Variants in MYH8 observed in about 807,000 individuals in gnomAD.
MYH8 encodes myosin heavy chain 8, also known as myosin-8.
Under a neutral mutation model 233.2 loss-of-function variants are expected in MYH8, and 168 were observed. The ratio of observed to expected loss-of-function variants is 0.72; its 90% CI spans 0.64 to 0.82. MYH8 has a LOEUF of 0.82. Among genes scored for constraint, MYH8 ranks in the 40% least tolerant of loss-of-function variants. The pLI, the probability that MYH8 is intolerant of heterozygous loss-of-function variation, is 0.00. For missense variants in MYH8, 1,995 were observed against 2,327.8 expected (o/e 0.86, Z 2.94); for synonymous variants, 785 against 850.6 (o/e 0.92, Z 1.34).
rs1191316543 is a variant in MYH8, at chr17:10,396,820, GCTT to G, written c.4342_4344del (p.Lys1448del). 1 of 1,614,216 alleles carries G rather than the reference GCTT, an allele frequency of 6.2e-7. No homozygotes were observed. The highest frequency in any genetic ancestry group is 1.7e-5 in the Admixed American group (1 of 60,030). On this transcript the variant is annotated inframe_deletion, in exon 31 of 40. Transcript: ENST00000403437. The surrounding 1 kb of genome is among the most constrained non-coding windows in gnomAD (Gnocchi z 4.2). The stretch of plus-strand genomic sequence containing the variant: ...TGGGCCACCTTGTCAAAGTTCCTTT[GCTT>G]CTTATCAAGGGCTGCACAGGCTGCA...
chr17:10,417,311 G>A lies in MYH8; in HGVS notation c.511+1334C>T, dbSNP rs184542933. ...TTCAGGGAAAATAGATATAAATCTG[G>A]ATGTTATTTAGATGTAGATATAGAC... On this transcript the variant is annotated intron_variant, in intron 5 of 39. Transcript: ENST00000403437. This position sits in a 1 kb window ranked among gnomAD's most constrained non-coding sequence, Gnocchi z 4.1. Among the ~76,000 whole-genome samples, 46 of 152,252 alleles carry A rather than the reference G, an allele frequency of 3.0e-4. No homozygotes were observed. Among genetic ancestry groups the A allele is most frequent in the Non-Finnish European group, 5.3e-4 (36 of 68,012 alleles).
intron 33 of MYH8, 95 bp from the exon 34 acceptor site, chr17:10,395,536 C>T: frequency 7.8e-7 from 1 of 1,282,262 alleles, no homozygotes; most frequent in African/African-American, 1.5e-5. Flanking sequence ...ATCAGTTTGT[C>T]TAATTTTACA....
At chr17:10,410,979 A>G (rs2072239091) in intron 14 of MYH8, 32 bp from the exon 15 acceptor site, 3 of 1,614,110 alleles carry the variant, frequency 1.9e-6, no homozygotes, top group Non-Finnish European at 2.5e-6. Context: ...TCCAACATCA[A>G]ATGAGTTTTA....
At chr17:10,407,127 G>A (rs1048672011) in intron 17 of MYH8, 148 bp from the exon 18 acceptor site, 29 of 697,132 alleles carry the variant, frequency 4.2e-5, no homozygotes, top group African/African-American at 3.4e-4. Context: ...GGTCTCAAGA[G>A]TTCTAGCCTG....
At chr17:10,418,198 CT>C (rs1461549803) in intron 5 of MYH8, among the ~76,000 whole-genome samples, 1 of 152,194 alleles carries the variant, frequency 6.6e-6, no homozygotes, top group African/African-American at 2.4e-5. Context: ...GCAATATTAG[CT>C]GTGTCATTCA....
At chr17:10,414,077 A>C in intron 11 of MYH8, 37 bp from the exon 12 acceptor site, 1 of 1,613,562 alleles carries the variant, frequency 6.2e-7, no homozygotes, top group East Asian at 2.2e-5. Flanking sequence ...GTTAGGGCTG[A>C]AGAGACTAAC....
In MYH8 at chr17:10,420,200, C is replaced by A. The variant is rs775905069; in HGVS notation, c.28G>T (p.Ala10Ser). 1 of 1,613,562 alleles carries A rather than the reference C, an allele frequency of 6.2e-7. No individual in the cohort carries two copies. The highest frequency in any genetic ancestry group is 1.1e-5 in the South Asian group (1 of 91,048). Reference protein sequence around the residue: MSASSDAEMAVFGEAAPYLR... With the variant: MSASSDAEMSVFGEAAPYLR... ...TAGGGAGCAGCTTCGCCAAAAACAG[C>A]CATCTCAGCGTCTGAGCTCGCACTC... Residue 10 changes from alanine (A) to serine (S), a missense_variant, in exon 3 of 40, where the codon GCT (alanine) becomes TCT (serine). By Grantham distance (99) the Ala-to-Ser change is moderately conservative. Around this residue, in one of 3 missense-constraint regions of MYH8, gnomAD observed 479 missense variants for 600.9 expected, o/e 0.80. Transcript: ENST00000403437.
chr17:10,418,493 A>C (rs2072306699), intron 5 of MYH8, 152 bp downstream of exon 5: 2 of 1,357,350 alleles, frequency 1.5e-6, no homozygotes, highest in Admixed American at 3.8e-5. Context: ...GGAAGAGCAT[A>C]AGATGTCACA....
chr17:10,415,391 AG>A lies in MYH8; in HGVS notation c.649-8del. 1 of 1,614,056 alleles carries A rather than the reference AG, an allele frequency of 6.2e-7. No homozygotes were observed. Among genetic ancestry groups the A allele is most frequent in the Non-Finnish European group, 8.5e-7 (1 of 1,179,932 alleles). On this transcript the variant is annotated splice_polypyrimidine_tract_variant and splice_region_variant and intron_variant, in intron 7 of 39. Transcript: ENST00000403437. This position sits in a 1 kb window ranked among gnomAD's most constrained non-coding sequence, Gnocchi z 4.1. Reference sequence around the variant, plus strand: ...TTTGATCTTCCAGAGTCCCCTGCAAAGGAAGGAGCAGTTCTCACATCTGGGA... The same window carrying A: ...TTTGATCTTCCAGAGTCCCCTGCAAAGAAGGAGCAGTTCTCACATCTGGGA...
At chr17:10,418,132 A>C (rs919588934) in intron 5 of MYH8, among the ~76,000 whole-genome samples, 2 of 152,214 alleles carry the variant, frequency 1.3e-5, no homozygotes, top group African/African-American at 4.8e-5. Context: ...AAGTGCTTCA[A>C]ATCTTTGGGA....
chr17:10,393,581 G>T (rs2072049409), intron 35 of MYH8, among the ~76,000 whole-genome samples: 1 of 152,182 alleles, frequency 6.6e-6, no homozygotes, highest in Admixed American at 6.5e-5. Flanking sequence ...TTCTTGCTTT[G>T]AAAGAATCTA....
At chr17:10,395,692 TA>T (rs1387667619) in intron 33 of MYH8, among the ~76,000 whole-genome samples, 56 of 152,068 alleles carry the variant, frequency 3.7e-4, no homozygotes, top group African/African-American at 1.3e-3. Flanking sequence ...ATTATATAAT[TA>T]AATTCATGTA....
At chr17:10,411,959 T>G (rs375737059) in intron 14 of MYH8, among the ~76,000 whole-genome samples, 68 of 152,318 alleles carry the variant, frequency 4.5e-4, no homozygotes, top group African/African-American at 1.5e-3. Context: ...CTTCTACCTT[T>G]GGGCCTTTTC....
At position 10,419,927 on chromosome 17, in the gene MYH8, G is replaced by A; in HGVS notation, c.210+91C>T. 1 of 1,385,138 alleles carries A rather than the reference G, an allele frequency of 7.2e-7. No homozygotes were observed. Among genetic ancestry groups the A allele is most frequent in the South Asian group, 1.2e-5 (1 of 85,942 alleles). 85.8% of individuals were successfully genotyped at this position (1,385,138 alleles called of 1,614,324 possible). ...CACTGACTAGAAGGGTGTTTGCATT[G>A]GCAACAGGCTTGGAGATTCCCAGTA... On this transcript the variant is annotated intron_variant, in intron 3 of 39. Transcript: ENST00000403437. The surrounding 1 kb of genome is among the most constrained non-coding windows in gnomAD (Gnocchi z 4.0).
intron 35 of MYH8, 73 bp downstream of exon 35, chr17:10,394,176 G>T: frequency 6.4e-7 from 1 of 1,573,436 alleles, no homozygotes; most frequent in South Asian, 1.1e-5. Flanking sequence ...TATACAAATT[G>T]AGTACTTTCA....
In MYH8 at chr17:10,394,470, G is replaced by T. The variant is rs760378309; in HGVS notation, c.4963-18C>A. Reference sequence around the variant, plus strand: ...TGGGTTTCCTAATAAGTGAAAAACAGAAAGGCCTTAAGTGTTCTGAAGAGG... The same window carrying T: ...TGGGTTTCCTAATAAGTGAAAAACATAAAGGCCTTAAGTGTTCTGAAGAGG... On this transcript the variant is annotated intron_variant, in intron 34 of 39. Coordinates refer to ENST00000403437, the MANE Select transcript of MYH8 (RefSeq NM_002472.3). 6.8e-6 allele frequency: 11 copies of T among 1,613,638 alleles called. No individual in the cohort carries two copies. Among genetic ancestry groups the T allele is most frequent in the Non-Finnish European group, 6.8e-6 (8 of 1,179,722 alleles).
rs1031871580 is a variant in MYH8 at position 10,390,734 on chromosome 17, A to G, written c.5665-131T>C. 9.3e-6 allele frequency: 10 copies of G among 1,074,136 alleles called. No individual in the cohort carries two copies. The African/African-American group carries it at 1.6e-4, about 17-fold the overall frequency. 66.5% of individuals were successfully genotyped at this position (1,074,136 alleles called of 1,614,324 possible). A position where few individuals can be genotyped will look rare whatever the true frequency, so the allele number is the denominator to read the frequency against. ...ATTTAGCATATCCGACTTTAAATCT[A>G]AACAGAGTTTATAACTTCAACTACA... is the stretch of plus-strand genomic sequence containing the variant. On this transcript the variant is annotated intron_variant, in intron 39 of 39. Transcript: ENST00000403437.
At chr17:10,412,182 T>C (rs2072249150) in intron 14 of MYH8, among the ~76,000 whole-genome samples, 188 bp downstream of exon 14, 1 of 152,254 alleles carries the variant, frequency 6.6e-6, no homozygotes, top group African/African-American at 2.4e-5. Flanking sequence ...TGTACACTGC[T>C]GGCCCAGTGA....
intron 34 of MYH8, among the ~76,000 whole-genome samples, chr17:10,394,688 A>G (rs888066450): frequency 6.6e-6 from 1 of 152,210 alleles, no homozygotes; most frequent in Admixed American, 6.5e-5. Context: ...TGAGTCACTA[A>G]TGTCTGTCAT....
Sources: gnomAD v4.1 joint callset for allele counts (sites outside exome capture counted in the v4.1 genomes callset) on GRCh38, gnomAD v4.1.1 for gene constraint, gnomAD v4.1.1 regional missense constraint, Gnocchi (gnomAD v3.1) non-coding constraint, MANE v1.5 for transcripts, NCBI Gene and HGNC (gene_info 2026-07-23, HGNC 2026-07-21) for gene names.